Variants in NCOA1 observed in about 807,000 individuals in gnomAD.
NCOA1 encodes the protein nuclear receptor coactivator 1.
Under a neutral mutation model 150.9 loss-of-function variants are expected in NCOA1, and 35 were observed. That is an observed-to-expected ratio of 0.23 (90% CI 0.18 to 0.31). The LOEUF is 0.31. Ranked by LOEUF, NCOA1 falls within the 10% of genes least tolerant of loss-of-function variation. The pLI, the probability that NCOA1 is intolerant of heterozygous loss-of-function variation, is 1.00. For missense variants in NCOA1, 1,491 were observed against 1,749.3 expected, an observed-to-expected ratio of 0.85 and a Z score of 2.63; for synonymous variants, 590 against 630.0, an observed-to-expected ratio of 0.94 and a Z score of 0.95.
At chr2:24,557,472 C>T (rs76279656) in intron 1 of NCOA1, among the ~76,000 whole-genome samples, 19 of 152,070 alleles carry the variant, frequency 1.2e-4, no homozygotes, top group South Asian at 6.2e-4. Context: ...CAATGCTCTT[C>T]GTCTTTGCTA....
intron 1 of NCOA1, among the ~76,000 whole-genome samples, chr2:24,529,990 T>C (rs1269746084): frequency 6.6e-6 from 1 of 152,222 alleles, no homozygotes; most frequent in Non-Finnish European, 1.5e-5. Context: ...ATACCGTGAA[T>C]TGCTAAATTC....
Position 24,706,661 on chromosome 2 carries a change from T to C in NCOA1, c.1191T>C (p.Ala397=). The part of the protein sequence containing the change: ...NPSVNPSISP[A]HGVARSSTLP... ...CGGTCAATCCTAGTATCTCTCCAGC[T>C]CATGGTGTGGCTCGTTCATCCACAT... is the stretch of plus-strand genomic sequence containing the variant. The change falls in exon 13 of 23, where the codon GCT becomes GCC. Residue 397 remains alanine (A), a synonymous_variant. Transcript: ENST00000348332. 2 of 1,614,238 alleles carry C rather than the reference T, an allele frequency of 1.2e-6. No homozygotes were observed. The highest frequency in any genetic ancestry group is 2.2e-5 in the South Asian group (2 of 91,090).
At chr2:24,744,946 C>T (rs954030406) in intron 19 of NCOA1, among the ~76,000 whole-genome samples, 6 of 152,146 alleles carry the variant, frequency 3.9e-5, no homozygotes, top group East Asian at 3.9e-4. Context: ...GTAAAACCAA[C>T]GGATAACTGC....
chr2:24,705,622 T>C (rs1467630646), intron 12 of NCOA1, among the ~76,000 whole-genome samples: 1 of 152,174 alleles, frequency 6.6e-6, no homozygotes, highest in African/African-American at 2.4e-5. Flanking sequence ...TGAGTTCAAG[T>C]TGACAATTTC....
At chr2:24,629,850 A>AT (rs1254607665) in intron 3 of NCOA1, among the ~76,000 whole-genome samples, 70 of 123,426 alleles carry the variant, frequency 5.7e-4, no homozygotes, top group East Asian at 4.5e-3. Context: ...ATATATATGT[A>AT]TTTTTTTTTT....
intron 22 of NCOA1, among the ~76,000 whole-genome samples, chr2:24,765,184 AAAAAG>A (rs1558350491): frequency 6.6e-6 from 1 of 151,894 alleles, no homozygotes. Flanking sequence ...CTCAAAAAAA[AAAAAG>A]AGAGAGAGAG....
intron 7 of NCOA1, 58 bp from the exon 8 acceptor site, chr2:24,682,893 G>A (rs1017906418): frequency 1.5e-5 from 22 of 1,439,266 alleles, no homozygotes; most frequent in Middle Eastern, 1.9e-4. Context: ...AAAATGTATA[G>A]TTTAATTTTT....
chr2:24,737,103 C>T (rs1174656520), intron 17 of NCOA1, among the ~76,000 whole-genome samples: 3 of 152,152 alleles, frequency 2.0e-5, no homozygotes, highest in Non-Finnish European at 2.9e-5. Context: ...TAAGGACTAA[C>T]AACTAATCTC....
In NCOA1 at chr2:24,576,149, G is replaced by GTTTTTTTTTTTTTTTTTT. The variant is rs1183405187; in HGVS notation, c.-259-8314_-259-8313insTTTTTTTTTTTTTTTTTT. Among the ~76,000 whole-genome samples the GTTTTTTTTTTTTTTTTTT allele has an allele frequency of 8.5e-4, 80 of 93,978 alleles. 6 individuals carry two copies. The highest frequency in any genetic ancestry group is 1.7e-3 in the East Asian group (6 of 3,526). The allele number at this position is 93,978 out of a possible 152,430, so 61.7% of individuals were successfully genotyped here. On this transcript the variant is annotated intron_variant, in intron 2 of 22. Coordinates refer to ENST00000348332, the MANE Select transcript of NCOA1 (RefSeq NM_003743.5). The stretch of plus-strand genomic sequence containing the variant: ...GAGTTTCAGAAATTATTTGGCCTTT[G>GTTTTTTTTTTTTTTTTTT]TTTTTTTTTTTTTGTTTTTTGTTTT...
Position 24,768,407 on chromosome 2 carries a change from T to C in NCOA1, c.*16T>C. 1.9e-6 allele frequency: 3 copies of C among 1,563,878 alleles called. No individual in the cohort carries two copies. The South Asian group carries it at 3.5e-5, about 18-fold the overall frequency. On this transcript the variant is annotated 3_prime_UTR_variant, in exon 23 of 23. Transcript: ENST00000348332. ...GACTGAATAACCACTTTTAAAGGAATGTGAAATTTAAATAATAGACATACA... is the reference window on the plus strand; with the variant it reads ...GACTGAATAACCACTTTTAAAGGAACGTGAAATTTAAATAATAGACATACA...
At chr2:24,566,559 G>C (rs923848873) in intron 2 of NCOA1, among the ~76,000 whole-genome samples, 1 of 152,276 alleles carries the variant, frequency 6.6e-6, no homozygotes, top group Admixed American at 6.5e-5. Flanking sequence ...AAAAAGCACT[G>C]TAAGTTTCCA....
intron 3 of NCOA1, among the ~76,000 whole-genome samples, chr2:24,594,908 A>G (rs1203940398): frequency 6.6e-6 from 1 of 152,102 alleles, no homozygotes; most frequent in East Asian, 1.9e-4. Context: ...TAGTAATGCA[A>G]TTGCTTATAC....
chr2:24,580,798 G>A (rs540355144), intron 2 of NCOA1, among the ~76,000 whole-genome samples: 1 of 152,224 alleles, frequency 6.6e-6, no homozygotes, highest in East Asian at 1.9e-4. Context: ...TCTGTGGATT[G>A]CCTTTTTTCA....
Position 24,526,498 on chromosome 2 carries a change from A to G in NCOA1, c.-396+34896A>G, listed in dbSNP as rs376550992. Among the ~76,000 whole-genome samples the G allele has an allele frequency of 6.0e-5, 9 of 150,406 alleles. No homozygotes were observed. The South Asian group carries it at 1.9e-3, about 31-fold the overall frequency. On this transcript the variant is annotated intron_variant, in intron 1 of 22. Coordinates refer to ENST00000348332, the MANE Select transcript of NCOA1 (RefSeq NM_003743.5). ...TTTATTAGTAAAGTGTCTTTGGACT[A>G]TTGTCTCGACCTTTTTTAAAAAAAA...
At chr2:24,756,426 T>G (rs1280078108) in intron 20 of NCOA1, among the ~76,000 whole-genome samples, 1 of 152,170 alleles carries the variant, frequency 6.6e-6, no homozygotes. Flanking sequence ...TTATAATTAC[T>G]TGGGGGAAAA....
chr2:24,560,748 AT>A (rs1276394631), intron 1 of NCOA1, among the ~76,000 whole-genome samples: 13 of 152,284 alleles, frequency 8.5e-5, no homozygotes, highest in Non-Finnish European at 5.9e-5. Context: ...CAGCTTTAAG[AT>A]TTTGCAAGTT....
intron 2 of NCOA1, among the ~76,000 whole-genome samples, chr2:24,581,471 T>G (rs1343805474): frequency 6.6e-6 from 1 of 152,200 alleles, no homozygotes; most frequent in African/African-American, 2.4e-5. Flanking sequence ...GTTTTTTACT[T>G]CTGTTTTTGT....
chr2:24,736,105 C>T (rs1663286210), intron 17 of NCOA1, among the ~76,000 whole-genome samples: 2 of 151,808 alleles, frequency 1.3e-5, no homozygotes, highest in South Asian at 4.2e-4. Flanking sequence ...CCTGTAATCC[C>T]AGCCACTTGG....
chr2:24,587,205 C>T (rs1193021662), intron 3 of NCOA1, among the ~76,000 whole-genome samples: 2 of 152,006 alleles, frequency 1.3e-5, no homozygotes, highest in African/African-American at 2.4e-5. Context: ...GGGGGTTTCT[C>T]CTGGAGTTTT....
Sources: gnomAD v4.1 joint callset for allele counts (sites outside exome capture counted in the v4.1 genomes callset) on GRCh38, gnomAD v4.1.1 for gene constraint, MANE v1.5 for transcripts, NCBI Gene and HGNC (gene_info 2026-07-23, HGNC 2026-07-21) for gene names.